Variants in NRXN1 observed in about 807,000 individuals in gnomAD.
The protein encoded by NRXN1 is neurexin 1, also known as neurexin-1.
In NRXN1, 39 loss-of-function variants were observed where a neutral mutation model predicts 150.9. The ratio of observed to expected loss-of-function variants is 0.26; its 90% CI spans 0.20 to 0.34. The LOEUF is 0.34. Among genes scored for constraint, NRXN1 ranks in the 10% least tolerant of loss-of-function variants. The pLI is 1.00. For synonymous variants in NRXN1, 924 were observed against 757.0 expected (o/e 1.22, Z -3.62); for missense variants, 1,815 against 1,949.9 (o/e 0.93, Z 1.30).
In NRXN1 at chr2:50,436,474, C is replaced by A. The variant is rs979110082; in HGVS notation, c.3364+28968G>T. ...GTCTCAAGGAAAAAAAAAAAAAATACAAAGAAGTGTTTAACACAATTTACT... is the reference window on the plus strand; with the variant it reads ...GTCTCAAGGAAAAAAAAAAAAAATAAAAAGAAGTGTTTAACACAATTTACT... On this transcript the variant is annotated intron_variant, in intron 17 of 22. Coordinates refer to ENST00000401669, the MANE Select transcript of NRXN1 (RefSeq NM_001330078.2). 4.7e-5 allele frequency among the ~76,000 whole-genome samples: 7 copies of A among 150,254 alleles called. No homozygotes were observed. In the South Asian group the frequency reaches 1.1e-3, roughly 23 times the overall value.
chr2:49,968,548 C>G (rs565687516), intron 21 of NRXN1, among the ~76,000 whole-genome samples: 1 of 151,950 alleles, frequency 6.6e-6, no homozygotes, highest in East Asian at 1.9e-4. Context: ...CCTCGGTGTC[C>G]GTAATGCCAT....
At chr2:50,082,983 C>A (rs1698181827) in intron 19 of NRXN1, among the ~76,000 whole-genome samples, 1 of 151,892 alleles carries the variant, frequency 6.6e-6, no homozygotes, top group African/African-American at 2.4e-5. Context: ...GTTTTGGGGG[C>A]AAAAAATCAG....
intron 12 of NRXN1, among the ~76,000 whole-genome samples, chr2:50,522,719 C>CTTTTTT (rs1323306682): frequency 1.2e-5 from 1 of 86,596 alleles, no homozygotes; most frequent in Admixed American, 1.3e-4. Flanking sequence ...TATTTTTATT[C>CTTTTTT]ATTTTTTTTT....
intron 17 of NRXN1, among the ~76,000 whole-genome samples, chr2:50,341,094 T>A (rs562360672): frequency 9.2e-5 from 14 of 152,290 alleles, no homozygotes; most frequent in African/African-American, 3.4e-4. Context: ...GGAAGAGTAT[T>A]CCATAGGAGG....
intron 2 of NRXN1, among the ~76,000 whole-genome samples, chr2:50,955,477 A>C (rs904613496): frequency 3.9e-5 from 6 of 152,248 alleles, no homozygotes; most frequent in African/African-American, 1.4e-4. Flanking sequence ...AAAAAGTGAC[A>C]TTGAAAATAT....
rs1167717079 is a variant in NRXN1 at position 50,346,701 on chromosome 2, T to C, written c.3365-109731A>G. ...GCATCGCAGACCCACCGTGTCCGCCTCGCAAGGATGCCGGTGACCTGTAGA... is the reference window on the plus strand; with the variant it reads ...GCATCGCAGACCCACCGTGTCCGCCCCGCAAGGATGCCGGTGACCTGTAGA... On this transcript the variant is annotated intron_variant, in intron 17 of 22. Transcript: ENST00000401669. The surrounding 1 kb of genome is among the most constrained non-coding windows in gnomAD (Gnocchi z 5.0). 1 of 1,613,390 alleles carries C rather than the reference T, an allele frequency of 6.2e-7. No homozygotes were observed.
chr2:50,855,480 C>T (rs1675137296), intron 5 of NRXN1, among the ~76,000 whole-genome samples: 1 of 151,922 alleles, frequency 6.6e-6, no homozygotes, highest in South Asian at 2.1e-4. Context: ...CTTTGTAATA[C>T]TCCATGCTGC....
chr2:50,464,462 G>A (rs1573081407), intron 17 of NRXN1: 1 of 151,876 alleles, frequency 6.6e-6, no homozygotes. Flanking sequence ...GCACATATCT[G>A]TTGACATGAA....
chr2:50,639,086 G>A lies in NRXN1; in HGVS notation c.833-15471C>T, dbSNP rs1207685651. Reference sequence around the variant, plus strand: ...ATACATTAAAAAAATGAAGGTCCAGGGAAGTTAATAGACTTGGCAAAGACC... The same window carrying A: ...ATACATTAAAAAAATGAAGGTCCAGAGAAGTTAATAGACTTGGCAAAGACC... On this transcript the variant is annotated intron_variant, in intron 5 of 22. Transcript: ENST00000401669. Among the ~76,000 whole-genome samples, 3 of 152,014 alleles carry A rather than the reference G, an allele frequency of 2.0e-5. No homozygotes were observed. In the East Asian group the frequency reaches 5.8e-4, roughly 29 times the overall value.
At chr2:50,085,509 A>G (rs1698652962) in intron 19 of NRXN1, among the ~76,000 whole-genome samples, 1 of 152,108 alleles carries the variant, frequency 6.6e-6, no homozygotes, top group African/African-American at 2.4e-5. Flanking sequence ...TTTTCTCCCA[A>G]ATGATTCTTA....
chr2:50,472,829 GTA>G (rs375129044), intron 15 of NRXN1, among the ~76,000 whole-genome samples: 173 of 79,790 alleles, frequency 2.2e-3, no homozygotes, highest in Middle Eastern at 6.0e-3. Flanking sequence ...GTGTGTGTGT[GTA>G]TATATATATA....
chr2:50,537,075 T>A (rs1013236834), intron 10 of NRXN1, among the ~76,000 whole-genome samples: 41 of 152,208 alleles, frequency 2.7e-4, no homozygotes, highest in African/African-American at 9.2e-4. Flanking sequence ...AACTAATAAG[T>A]TGATGTACCT....
intron 17 of NRXN1, among the ~76,000 whole-genome samples, chr2:50,290,261 AT>A (rs2072745588): frequency 6.6e-6 from 1 of 152,180 alleles, no homozygotes; most frequent in Admixed American, 6.6e-5. Context: ...TAATTATTTC[AT>A]TTACCCAATA....
At chr2:50,186,653 T>C (rs1260522080) in intron 18 of NRXN1, among the ~76,000 whole-genome samples, 1 of 152,060 alleles carries the variant, frequency 6.6e-6, no homozygotes, top group African/African-American at 2.4e-5. Context: ...TCAGAAAAAT[T>C]TCCTTTGCTG....
At chr2:50,055,679 G>A (rs1022610534) in intron 19 of NRXN1, among the ~76,000 whole-genome samples, 4 of 152,110 alleles carry the variant, frequency 2.6e-5, no homozygotes, top group Non-Finnish European at 5.9e-5. Context: ...ATCCAGATAC[G>A]TTATTACAGG....
At chr2:50,364,294 T>C (rs1486764168) in intron 17 of NRXN1, among the ~76,000 whole-genome samples, 2 of 152,154 alleles carry the variant, frequency 1.3e-5, no homozygotes, top group African/African-American at 4.8e-5. Context: ...CATAGTTTAA[T>C]GGCCAGGGGA....
intron 5 of NRXN1, among the ~76,000 whole-genome samples, chr2:50,672,293 C>A (rs1389585904): frequency 2.0e-5 from 3 of 150,690 alleles, no homozygotes; most frequent in Non-Finnish European, 1.5e-5. Context: ...CACAGTTAGT[C>A]CAGGGAAAAT....
chr2:50,476,237 A>T (rs1406985463), intron 15 of NRXN1, among the ~76,000 whole-genome samples: 1 of 152,114 alleles, frequency 6.6e-6, no homozygotes, highest in Non-Finnish European at 1.5e-5. Context: ...ATACACAGCC[A>T]CTATGTTCCT....
chr2:50,441,526 A>G lies in NRXN1; in HGVS notation c.3364+23916T>C, dbSNP rs577478125. On this transcript the variant is annotated intron_variant, in intron 17 of 22. Coordinates refer to ENST00000401669, the MANE Select transcript of NRXN1 (RefSeq NM_001330078.2). ...GGGATAAATGGCATTTGTTCTTTCC[A>G]GCAGTAGGTGGGAAAGTTAGAAAAC... Among the ~76,000 whole-genome samples the G allele has an allele frequency of 4.5e-4, 69 of 152,300 alleles. No homozygotes were observed. In the South Asian group the frequency reaches 0.013, roughly 29 times the overall value.
Sources: allele counts gnomAD v4.1 joint callset (sites outside exome capture counted in the v4.1 genomes callset), GRCh38; gene constraint gnomAD v4.1.1; non-coding constraint Gnocchi (gnomAD v3.1); transcripts MANE v1.5; gene names NCBI Gene and HGNC (gene_info 2026-07-23, HGNC 2026-07-21).